The following ACAT2 variants were observed in gnomAD, a reference collection of about 807,000 sequenced individuals.
ACAT2 encodes acetyl-CoA acetyltransferase, cytosolic.
Under a neutral mutation model 37.1 loss-of-function variants are expected in ACAT2, and 26 were observed. The ratio of observed to expected loss-of-function variants is 0.70; its 90% CI spans 0.51 to 0.97. The LOEUF is 0.97. Ranked by LOEUF, ACAT2 falls within the 50% of genes least tolerant of loss-of-function variation. The pLI is 0.00. For synonymous variants in ACAT2, 156 were observed against 163.6 expected (o/e 0.95, Z 0.35); for missense variants, 468 against 489.0 (o/e 0.96, Z 0.40).
Position 159,767,082 on chromosome 6 carries a change from A to G in ACAT2, c.268A>G (p.Met90Val), listed in dbSNP as rs1780267526. The G allele has an allele frequency of 1.9e-6, 3 of 1,614,226 alleles. No individual in the cohort carries two copies. The highest frequency in any genetic ancestry group is 2.5e-6 in the Non-Finnish European group (3 of 1,180,022). The change falls in exon 3 of 9, where the codon ATG becomes GTG. Residue 90 changes from methionine to valine, a missense_variant. Physicochemically the swap from Met to Val is conservative, Grantham distance 21. Coordinates refer to ENST00000367048, the MANE Select transcript of ACAT2 (RefSeq NM_005891.3). Reference sequence around the variant, plus strand: ...CTCTGTTCCAGCATGGAGCTGCCAGATGATCTGTGGGTCAGGCCTAAAAGC... The same window carrying G: ...CTCTGTTCCAGCATGGAGCTGCCAGGTGATCTGTGGGTCAGGCCTAAAAGC... ...PYSVPAWSCQ[M>V]ICGSGLKAVC... is the part of the protein sequence containing the mutation.
intron 4 of ACAT2, among the ~76,000 whole-genome samples, chr6:159,771,850 G>C (rs1237489385): frequency 6.6e-6 from 1 of 152,064 alleles, no homozygotes; most frequent in African/African-American, 2.4e-5. Context: ...TGCTATCATA[G>C]TCTACTATGA....
At chr6:159,766,418 T>C (rs76919074) in intron 2 of ACAT2, among the ~76,000 whole-genome samples, 1 of 152,018 alleles carries the variant, frequency 6.6e-6, no homozygotes, top group Non-Finnish European at 1.5e-5. Context: ...TTTTTTTTTT[T>C]GAGACGGAGT....
chr6:159,778,994 A>G lies in ACAT2; in HGVS notation c.*165A>G. 2 of 1,581,826 alleles carry G rather than the reference A, an allele frequency of 1.3e-6. No homozygotes were observed. Among genetic ancestry groups the G allele is most frequent in the Non-Finnish European group, 1.7e-6 (2 of 1,157,834 alleles). On this transcript the variant is annotated 3_prime_UTR_variant, in exon 9 of 9. Coordinates refer to ENST00000367048, the MANE Select transcript of ACAT2 (RefSeq NM_005891.3). ...ACTTTAATGTGTAATACTCAACTCA[A>G]GGTACAAGACAATTGCATTTAACAT...
chr6:159,774,090 A>G (rs1780378444), intron 4 of ACAT2, among the ~76,000 whole-genome samples: 1 of 152,254 alleles, frequency 6.6e-6, no homozygotes, highest in Non-Finnish European at 1.5e-5. Flanking sequence ...ATCACCTGGG[A>G]TAAACTGATT....
chr6:159,765,611 G>A (rs1418329359), intron 2 of ACAT2, among the ~76,000 whole-genome samples: 1 of 148,796 alleles, frequency 6.7e-6, no homozygotes, highest in African/African-American at 2.5e-5. Context: ...TGTATTTTTA[G>A]TAGAGAGGGG....
rs1780180617 is a variant in ACAT2 at position 159,763,063 on chromosome 6, A to C, written c.190+10A>C. 3 of 1,606,520 alleles carry C rather than the reference A, an allele frequency of 1.9e-6. No homozygotes were observed. The highest frequency in any genetic ancestry group is 2.2e-5 in the East Asian group (1 of 44,872). ...CATGTCTTGGCAGCAGGTAAGTCTC[A>C]GTGATTCCAGGAGAAGTCAGGCTTA... On this transcript the variant is annotated intron_variant, in intron 2 of 8. Coordinates refer to ENST00000367048, the MANE Select transcript of ACAT2 (RefSeq NM_005891.3).
Position 159,777,451 on chromosome 6 carries a change from CA to C in ACAT2, c.909del (p.Ala304LeufsTer28). 1 of 1,612,820 alleles carries C rather than the reference CA, an allele frequency of 6.2e-7. No homozygotes were observed. Among genetic ancestry groups the C allele is most frequent in the Non-Finnish European group, 8.5e-7 (1 of 1,179,618 alleles). ...MGIGPIPAIK[Q>X]AVTKAGWSLE... Reference sequence around the variant, plus strand: ...AATAGGACCAATTCCAGCCATAAAGCAAGCTGTGAGTATAACCCTATTCCCT... The same window carrying C: ...AATAGGACCAATTCCAGCCATAAAGCAGCTGTGAGTATAACCCTATTCCCT... On this transcript the variant is annotated frameshift_variant, in exon 7 of 9. Transcript: ENST00000367048. LOFTEE classifies it high-confidence loss of function.
chr6:159,774,591 G>GCA (rs952188326), intron 4 of ACAT2, among the ~76,000 whole-genome samples: 28 of 151,914 alleles, frequency 1.8e-4, no homozygotes, highest in Admixed American at 9.2e-4. Flanking sequence ...TAGCTACATG[G>GCA]CACACACACC....
At position 159,776,183 on chromosome 6, in the gene ACAT2, G is replaced by T; in HGVS notation, c.668G>T (p.Arg223Leu). The part of the protein sequence containing the change: ...LIEVKTDEFP[R>L]HGSNIEAMSK... The stretch of plus-strand genomic sequence containing the variant: ...GAAGTTAAAACAGATGAGTTTCCTC[G>T]CCATGGGAGCAACATAGAAGCCATG... Residue 223 changes from arginine (R) to leucine (L), a missense_variant, in exon 6 of 9, where the codon CGC becomes CTC. Physicochemically the swap from Arg to Leu is moderately radical, Grantham distance 102. Transcript: ENST00000367048. 1 of 1,613,910 alleles carries T rather than the reference G, an allele frequency of 6.2e-7. No individual in the cohort carries two copies. Among genetic ancestry groups the T allele is most frequent in the South Asian group, 1.1e-5 (1 of 91,070 alleles).
intron 2 of ACAT2, among the ~76,000 whole-genome samples, chr6:159,763,629 C>CTTTTTTTTTTTTTTTTT (rs765044833): frequency 1.3e-5 from 1 of 76,406 alleles, no homozygotes; most frequent in Non-Finnish European, 2.4e-5. Context: ...TTTTCTTTTC[C>CTTTTTTTTTTTTTTTTT]TTTTTTTTTT....
Position 159,762,905 on chromosome 6 carries a change from C to T in ACAT2, c.56-14C>T, listed in dbSNP as rs748687196. Reference sequence around the variant, plus strand: ...AGGCTTGTGATGTCCACGCTCTCCGCCTTTCTATTGTAGGTTCCTTCAATG... The same window carrying T: ...AGGCTTGTGATGTCCACGCTCTCCGTCTTTCTATTGTAGGTTCCTTCAATG... On this transcript the variant is annotated splice_polypyrimidine_tract_variant and intron_variant, in intron 1 of 8. Transcript: ENST00000367048. 6 of 1,608,684 alleles carry T rather than the reference C, an allele frequency of 3.7e-6. No homozygotes were observed. The South Asian group carries it at 4.4e-5, about 12-fold the overall frequency.
rs760112731 is a variant in ACAT2 at position 159,762,102 on chromosome 6, A to C, written c.15A>C (p.Ser5=). The C allele has an allele frequency of 5.0e-6, 8 of 1,613,138 alleles. No homozygotes were observed. In the African/African-American group the frequency reaches 5.3e-5, roughly 11 times the overall value. ...GGAGAAGCAAGATGAATGCAGGCTCAGATCCTGTGGTCATCGTCTCGGCGG... is the reference window on the plus strand; with the variant it reads ...GGAGAAGCAAGATGAATGCAGGCTCCGATCCTGTGGTCATCGTCTCGGCGG... MNAG[S]DPVVIVSAAR... The change falls in exon 1 of 9, where the codon TCA becomes TCC. Residue 5 remains serine, a synonymous_variant. Coordinates refer to ENST00000367048, the MANE Select transcript of ACAT2 (RefSeq NM_005891.3).
intron 2 of ACAT2, 104 bp downstream of exon 2, chr6:159,763,157 C>A (rs1780185347): frequency 2.7e-6 from 4 of 1,456,586 alleles, no homozygotes; most frequent in Non-Finnish European, 2.8e-6. Context: ...CTCACTCACT[C>A]AAGTTCTTGC....
intron 8 of ACAT2, 133 bp from the exon 9 acceptor site, chr6:159,778,526 C>A: frequency 9.8e-7 from 1 of 1,018,642 alleles, no homozygotes. Flanking sequence ...TAAATTTATT[C>A]CTAAGCAGTT....
intron 1 of ACAT2, 180 bp downstream of exon 1, chr6:159,762,322 G>A: frequency 8.2e-7 from 1 of 1,215,018 alleles, no homozygotes; most frequent in Non-Finnish European, 1.1e-6. Context: ...TGGTGCTACA[G>A]CCCCACCCTC....
chr6:159,776,127 G>A lies in ACAT2; in HGVS notation c.635-23G>A, dbSNP rs149387796. On this transcript the variant is annotated intron_variant, in intron 5 of 8. Transcript: ENST00000367048. ...ACTTCTGTCTCTGGACTAATCTTGA[G>A]TAATTGGTTTTCCTTTGCTTAGGTC... The A allele has an allele frequency of 1.9e-6, 3 of 1,611,838 alleles. No homozygotes were observed. The African/African-American group carries it at 4.0e-5, about 22-fold the overall frequency.
chr6:159,777,467 C>G lies in ACAT2; in HGVS notation c.912+11C>G, dbSNP rs772941044. ...GCCATAAAGCAAGCTGTGAGTATAA[C>G]CCTATTCCCTTTTATGAAATTTGTC... On this transcript the variant is annotated intron_variant, in intron 7 of 8. Coordinates refer to ENST00000367048, the MANE Select transcript of ACAT2 (RefSeq NM_005891.3). 2.5e-6 allele frequency: 4 copies of G among 1,603,432 alleles called. No individual in the cohort carries two copies. In the East Asian group the frequency reaches 8.9e-5, roughly 36 times the overall value.
At chr6:159,769,751 A>G (rs1780307656) in intron 4 of ACAT2, among the ~76,000 whole-genome samples, 1 of 152,232 alleles carries the variant, frequency 6.6e-6, no homozygotes, top group African/African-American at 2.4e-5. Context: ...AGCTGGAAAC[A>G]GTGGTCTCAG....
intron 2 of ACAT2, among the ~76,000 whole-genome samples, chr6:159,765,197 C>T (rs1301885475): frequency 6.6e-6 from 1 of 152,020 alleles, no homozygotes; most frequent in East Asian, 1.9e-4. Context: ...CTCACTGCAA[C>T]CTCTGCCTCC....
Sources: allele counts gnomAD v4.1 joint callset (sites outside exome capture counted in the v4.1 genomes callset), GRCh38; gene constraint gnomAD v4.1.1; transcripts MANE v1.5; gene names NCBI Gene and HGNC (gene_info 2026-07-23, HGNC 2026-07-21).